ADARB2: variants seen among roughly 807,000 people sequenced by gnomAD.
ADARB2 encodes the protein inactive double-stranded RNA-specific editase B2.
In ADARB2, 25 loss-of-function variants were observed where a neutral mutation model predicts 62.2. That is an observed-to-expected ratio of 0.40 (90% CI 0.29 to 0.56). The LOEUF is 0.56. Among genes scored for constraint, ADARB2 ranks in the 20% least tolerant of loss-of-function variants. The pLI, the probability that ADARB2 is intolerant of heterozygous loss-of-function variation, is 0.43. For synonymous variants in ADARB2, 572 were observed against 500.8 expected, an observed-to-expected ratio of 1.14 and a Z score of -1.90; for missense variants, 1,071 against 1,077.4, an observed-to-expected ratio of 0.99 and a Z score of 0.08.
chr10:1,263,045 A>T (rs1831158142), intron 4 of ADARB2, among the ~76,000 whole-genome samples: 1 of 148,008 alleles, frequency 6.8e-6, no homozygotes, highest in Non-Finnish European at 1.5e-5. Flanking sequence ...AAAACCAAAC[A>T]CTGCATGTTC....
At chr10:1,375,951 ACACATG>A (rs1564273567) in intron 2 of ADARB2, among the ~76,000 whole-genome samples, 1 of 31,870 alleles carries the variant, frequency 3.1e-5, no homozygotes, top group Non-Finnish European at 7.9e-4. Context: ...CACACACCAC[ACACATG>A]CACACACACA....
At chr10:1,486,518 C>G (rs995657799) in intron 1 of ADARB2, among the ~76,000 whole-genome samples, 1 of 152,100 alleles carries the variant, frequency 6.6e-6, no homozygotes, top group Non-Finnish European at 1.5e-5. Flanking sequence ...GTTAATCAAG[C>G]TAGGTTTATA....
chr10:1,522,745 AT>A (rs1055180287), intron 1 of ADARB2, among the ~76,000 whole-genome samples: 9 of 152,122 alleles, frequency 5.9e-5, no homozygotes, highest in African/African-American at 2.2e-4. Flanking sequence ...TCTTAGCCCC[AT>A]TTTTCAGTAG....
At chr10:1,499,783 CTCA>C (rs1214837300) in intron 1 of ADARB2, among the ~76,000 whole-genome samples, 4 of 152,038 alleles carry the variant, frequency 2.6e-5, no homozygotes, top group South Asian at 2.1e-4. Flanking sequence ...TCATTACTCA[CTCA>C]TCATCATTCC....
intron 3 of ADARB2, among the ~76,000 whole-genome samples, chr10:1,359,262 G>A (rs947267091): frequency 1.3e-5 from 2 of 152,152 alleles, no homozygotes; most frequent in Non-Finnish European, 2.9e-5. Flanking sequence ...CTCATGGAGA[G>A]GAGACTGGCC....
intron 1 of ADARB2, among the ~76,000 whole-genome samples, chr10:1,708,454 G>A (rs1448601890): frequency 6.6e-6 from 1 of 152,228 alleles, no homozygotes; most frequent in East Asian, 1.9e-4. Context: ...GGAAAGGGAA[G>A]TATGAATATG....
At chr10:1,250,344 ATGGGGTGG>A (rs1276090111) in intron 4 of ADARB2, among the ~76,000 whole-genome samples, 3 of 152,002 alleles carry the variant, frequency 2.0e-5, no homozygotes, top group Non-Finnish European at 4.4e-5. Context: ...TGTTTGGGTC[ATGGGGTGG>A]ATTCCTTATG....
intron 1 of ADARB2, among the ~76,000 whole-genome samples, chr10:1,381,772 C>G (rs571052034): frequency 6.6e-6 from 1 of 152,156 alleles, no homozygotes; most frequent in Non-Finnish European, 1.5e-5. Context: ...CTCACTCACA[C>G]GTGGAATCTA....
At chr10:1,458,171 T>G (rs2131906331) in intron 1 of ADARB2, among the ~76,000 whole-genome samples, 1 of 152,318 alleles carries the variant, frequency 6.6e-6, no homozygotes, top group South Asian at 2.1e-4. Flanking sequence ...GAACCCTCTC[T>G]AGGCACGTGT....
chr10:1,384,888 C>T (rs2387662), intron 1 of ADARB2, among the ~76,000 whole-genome samples: 58,002 of 151,912 alleles, frequency 0.38, 11,648 homozygotes, highest in Non-Finnish European at 0.45. Context: ...TGGGGACCTG[C>T]GAGCTGAATG....
At chr10:1,558,615 C>CGTCT in intron 1 of ADARB2, among the ~76,000 whole-genome samples, 3 of 133,156 alleles carry the variant, frequency 2.3e-5, no homozygotes, top group African/African-American at 8.5e-5. Flanking sequence ...CTGCATGCTC[C>CGTCT]ATCTAAACTC....
chr10:1,657,042 A>G (rs1381529892), intron 1 of ADARB2, among the ~76,000 whole-genome samples: 2 of 151,548 alleles, frequency 1.3e-5, no homozygotes, highest in Admixed American at 6.6e-5. Context: ...GTTTAACAAA[A>G]GTTCTCATAA....
intron 1 of ADARB2, among the ~76,000 whole-genome samples, chr10:1,554,868 T>C (rs1374262907): frequency 1.3e-5 from 2 of 152,090 alleles, no homozygotes; most frequent in East Asian, 1.9e-4. Context: ...TAGAACCCAA[T>C]AGTTTTTCAA....
At chr10:1,206,448 C>T (rs938002457) in intron 7 of ADARB2, among the ~76,000 whole-genome samples, 2 of 148,558 alleles carry the variant, frequency 1.3e-5, no homozygotes, top group South Asian at 2.1e-4. Context: ...CCAACTGGGG[C>T]GTCTCCTCCT....
chr10:1,612,404 C>T (rs1307165497), intron 1 of ADARB2, among the ~76,000 whole-genome samples: 1 of 152,216 alleles, frequency 6.6e-6, no homozygotes, highest in East Asian at 1.9e-4. Flanking sequence ...GCGGTCACAA[C>T]GCCGGTGGGT....
At chr10:1,461,701 TTTTAAAGTTG>T (rs1454036773) in intron 1 of ADARB2, among the ~76,000 whole-genome samples, 2 of 152,008 alleles carry the variant, frequency 1.3e-5, no homozygotes, top group Non-Finnish European at 2.9e-5. Context: ...TCACAGATGA[TTTTAAAGTTG>T]TTTTTAGGCC....
intron 1 of ADARB2, among the ~76,000 whole-genome samples, chr10:1,388,499 A>G (rs1832542588): frequency 1.3e-5 from 2 of 152,234 alleles, no homozygotes; most frequent in Non-Finnish European, 2.9e-5. Context: ...CAACTACCAG[A>G]AATAATAAGT....
intron 4 of ADARB2, among the ~76,000 whole-genome samples, chr10:1,244,986 A>G (rs1308150296): frequency 2.0e-5 from 3 of 152,196 alleles, no homozygotes; most frequent in African/African-American, 7.2e-5. Context: ...TACCACCCTG[A>G]AGATCTAGCT....
chr10:1,510,290 C>T (rs949647078), intron 1 of ADARB2, among the ~76,000 whole-genome samples: 14 of 152,184 alleles, frequency 9.2e-5, no homozygotes, highest in African/African-American at 3.1e-4. Context: ...AAGTGATTCT[C>T]CTGTCTCAGC....
Sources: allele counts gnomAD v4.1 joint callset (sites outside exome capture counted in the v4.1 genomes callset), GRCh38; gene constraint gnomAD v4.1.1; transcripts MANE v1.5; gene names NCBI Gene and HGNC (gene_info 2026-07-23, HGNC 2026-07-21).